The following HSH2D variants were observed in gnomAD, a reference collection of about 807,000 sequenced individuals.
HSH2D encodes the protein hematopoietic SH2 domain containing, also known as hematopoietic SH2 domain-containing protein.
HSH2D carries 16 observed loss-of-function variants against 21.5 expected under a neutral mutation model. That is an observed-to-expected ratio of 0.74 (90% CI 0.50 to 1.13). The LOEUF (loss-of-function observed/expected upper bound fraction) is 1.13. Ranked by LOEUF, HSH2D falls within the 50% of genes most tolerant of loss-of-function variation. The pLI is 0.00. For missense variants in HSH2D, 418 were observed against 441.4 expected (o/e 0.95, Z 0.47); for synonymous variants, 172 against 184.7 (o/e 0.93, Z 0.56).
At chr19:16,152,096 ACT>A (rs1403178206) in intron 2 of HSH2D, among the ~76,000 whole-genome samples, 1 of 122,724 alleles carries the variant, frequency 8.1e-6, no homozygotes, top group Non-Finnish European at 1.6e-5. Context: ...ACAGAGCGAG[ACT>A]CTGTCTCAAC....
intron 1 of HSH2D, among the ~76,000 whole-genome samples, chr19:16,134,506 CTT>C (rs1774908990): frequency 6.6e-6 from 1 of 152,230 alleles, no homozygotes; most frequent in Non-Finnish European, 1.5e-5. Flanking sequence ...TCTATTCATT[CTT>C]TTCTGCACAC....
chr19:16,153,348 A>G (rs1360346898), intron 4 of HSH2D, 140 bp downstream of exon 4: 2 of 799,516 alleles, frequency 2.5e-6, no homozygotes, highest in Non-Finnish European at 3.8e-6. Context: ...CCACCCCAGT[A>G]GTCCCTCTGC....
At position 16,157,894 on chromosome 19, in the gene HSH2D, G is replaced by A. The variant is rs2091258802; in HGVS notation, c.*100G>A. The stretch of plus-strand genomic sequence containing the variant: ...ATGGCCCCACACCATGGCATCCGGG[G>A]GTCTTCGGGAACCCGGGAAATGGAA... On this transcript the variant is annotated 3_prime_UTR_variant, in exon 6 of 6. Transcript: ENST00000613986. This position sits in a 1 kb window ranked among gnomAD's most constrained non-coding sequence, Gnocchi z 4.4. 4.7e-6 allele frequency: 4 copies of A among 856,626 alleles called. No homozygotes were observed. Among genetic ancestry groups the A allele is most frequent in the South Asian group, 1.8e-5 (1 of 56,054 alleles). 53.1% of individuals were successfully genotyped at this position (856,626 alleles called of 1,614,324 possible). A position where few individuals can be genotyped will look rare whatever the true frequency, so the allele number is the denominator to read the frequency against.
At chr19:16,152,961 GA>G in intron 3 of HSH2D, 81 bp from the exon 4 acceptor site, 1 of 1,506,550 alleles carries the variant, frequency 6.6e-7, no homozygotes, top group South Asian at 1.2e-5. Flanking sequence ...CTGTAGCAGT[GA>G]CGCTGCCGGC....
Position 16,157,789 on chromosome 19 carries a change from T to C in HSH2D, c.1054T>C (p.Cys352Arg). The C allele has an allele frequency of 6.3e-7, 1 of 1,596,044 alleles. No individual in the cohort carries two copies. Among genetic ancestry groups the C allele is most frequent in the Non-Finnish European group, 8.5e-7 (1 of 1,174,870 alleles). ...ACCGCCACCCTTTGCCCCTGGGTACTGCTAGAGAACAGGTCCACCCTGGCT... is the reference window on the plus strand; with the variant it reads ...ACCGCCACCCTTTGCCCCTGGGTACCGCTAGAGAACAGGTCCACCCTGGCT... ...QQPPPFAPGY[C>R] The change falls in exon 6 of 6, where the codon TGC becomes CGC. Residue 352 changes from cysteine (C) to arginine (R), a missense_variant. Cys to Arg is a radical substitution (Grantham distance 180). Transcript: ENST00000613986. This position sits in a 1 kb window ranked among gnomAD's most constrained non-coding sequence, Gnocchi z 4.4.
intron 1 of HSH2D, 142 bp downstream of exon 1, chr19:16,143,916 G>A (rs1169468669): frequency 7.7e-6 from 2 of 260,918 alleles, no homozygotes; most frequent in East Asian, 1.3e-4. Context: ...TGGAGGAGGG[G>A]GTATTTGTGG....
At chr19:16,141,288 G>T (rs10414442), upstream of HSH2D, among the ~76,000 whole-genome samples, 2 of 152,230 alleles carry the variant, frequency 1.3e-5, no homozygotes, top group Admixed American at 1.3e-4. Flanking sequence ...GAGGAGCAGG[G>T]GGGTGAGAGA....
chr19:16,152,864 A>G (rs1159042556), intron 3 of HSH2D, 179 bp from the exon 4 acceptor site: 1 of 805,218 alleles, frequency 1.2e-6, no homozygotes, highest in Non-Finnish European at 2.1e-6. Context: ...AAATGGGGGA[A>G]ACTGAGGCAC....
intron 5 of HSH2D, chr19:16,154,960 C>T (rs374529083): frequency 6.5e-6 from 1 of 154,674 alleles, no homozygotes; most frequent in African/African-American, 2.4e-5. Context: ...ATCCTATTTA[C>T]TTATGGGTTT....
chr19:16,137,864 C>T (rs749543800), intron 1 of HSH2D, among the ~76,000 whole-genome samples: 1 of 152,048 alleles, frequency 6.6e-6, no homozygotes, highest in Non-Finnish European at 1.5e-5. Flanking sequence ...TGTGAGCCAC[C>T]ACACCCACCC....
chr19:16,142,345 G>A (rs1390563628), upstream of HSH2D, among the ~76,000 whole-genome samples: 13 of 152,192 alleles, frequency 8.5e-5, no homozygotes, highest in African/African-American at 2.9e-4. Flanking sequence ...CTTCCTTCAC[G>A]TCAGTTAGGT....
At chr19:16,144,895 T>C (rs561600525) in intron 1 of HSH2D, among the ~76,000 whole-genome samples, 11 of 151,274 alleles carry the variant, frequency 7.3e-5, no homozygotes, top group African/African-American at 1.7e-4. Context: ...GGTTTCACCA[T>C]GTTAGCCAGG....
At position 16,157,006 on chromosome 19, in the gene HSH2D, G is replaced by C. The variant is rs559261833; in HGVS notation, c.475-204G>C. On this transcript the variant is annotated intron_variant, in intron 5 of 5. Coordinates refer to ENST00000613986, the MANE Select transcript of HSH2D (RefSeq NM_001382417.1). This position sits in a 1 kb window ranked among gnomAD's most constrained non-coding sequence, Gnocchi z 4.4. ...ATCTCAAAAAAAAAAAAAGGAAGAA[G>C]AACAAGTTTGCCAACCCCTGGGGGA... 6.6e-6 allele frequency among the ~76,000 whole-genome samples: 1 copy of C among 151,704 alleles called. No homozygotes were observed. Among genetic ancestry groups the C allele is most frequent in the Non-Finnish European group, 1.5e-5 (1 of 67,908 alleles).
rs2091247240 is a variant in HSH2D at position 16,157,190 on chromosome 19, TC to T, written c.475-16del. The T allele has an allele frequency of 1.3e-6, 2 of 1,511,272 alleles. No individual in the cohort carries two copies. The highest frequency in any genetic ancestry group is 2.3e-5 in the Admixed American group (1 of 43,904). 93.6% of individuals were successfully genotyped at this position (1,511,272 alleles called of 1,614,324 possible). ...TCTGGTGGGCAAGCTGCCCCAGGCC[TC>T]CCCTACTCTCATTTTCAGGCCTCCC... On this transcript the variant is annotated intron_variant, in intron 5 of 5. Coordinates refer to ENST00000613986, the MANE Select transcript of HSH2D (RefSeq NM_001382417.1). The surrounding 1 kb of genome is among the most constrained non-coding windows in gnomAD (Gnocchi z 4.4).
chr19:16,148,606 T>C, intron 1 of HSH2D, 118 bp from the exon 2 acceptor site: 1 of 984,544 alleles, frequency 1.0e-6, no homozygotes, highest in Non-Finnish European at 1.5e-6. Context: ...TTTAAGTCCA[T>C]TGCTCTGTCC....
At chr19:16,141,875 G>C (rs1296541162), upstream of HSH2D, 1 of 152,222 alleles carries the variant, frequency 6.6e-6, no homozygotes, top group Non-Finnish European at 1.5e-5. Flanking sequence ...TGAGCCCCAG[G>C]AGTTTGAGAC....
At chr19:16,139,361 C>T (rs1269887615), upstream of HSH2D, among the ~76,000 whole-genome samples, 2 of 152,210 alleles carry the variant, frequency 1.3e-5, no homozygotes, top group Non-Finnish European at 2.9e-5. Flanking sequence ...GTGAGGATTG[C>T]TTGAGCTCAG....
In HSH2D at chr19:16,154,402, G is replaced by T. The variant is rs2091210711; in HGVS notation, c.385G>T (p.Asp129Tyr). 6.5e-7 allele frequency: 1 copy of T among 1,550,184 alleles called. No homozygotes were observed. Among genetic ancestry groups the T allele is most frequent in the Non-Finnish European group, 8.7e-7 (1 of 1,146,334 alleles). The change falls in exon 5 of 6, where the codon GAT becomes TAT. Residue 129 changes from aspartate (D) to tyrosine (Y), a missense_variant. Coordinates refer to ENST00000613986, the MANE Select transcript of HSH2D (RefSeq NM_001382417.1). ...ELLTQPCRQK[D>Y]PANVDYEDLF... ...ACAGGCCCCTTCCGCCCTGCAGAAGGATCCCGCAAACGTGGATTACGAGGA... is the reference window on the plus strand; with the variant it reads ...ACAGGCCCCTTCCGCCCTGCAGAAGTATCCCGCAAACGTGGATTACGAGGA...
chr19:16,154,104 C>G (rs1035041728), intron 4 of HSH2D, among the ~76,000 whole-genome samples: 1 of 146,836 alleles, frequency 6.8e-6, no homozygotes, highest in African/African-American at 2.5e-5. Context: ...TGACCTAGCG[C>G]CCAAGAAACT....
Sources: allele counts gnomAD v4.1 joint callset (sites outside exome capture counted in the v4.1 genomes callset), GRCh38; gene constraint gnomAD v4.1.1; non-coding constraint Gnocchi (gnomAD v3.1); transcripts MANE v1.5; gene names NCBI Gene and HGNC (gene_info 2026-07-23, HGNC 2026-07-21).